Variants in CD99L2 observed in about 807,000 individuals in gnomAD.
The protein encoded by CD99L2 is CD99 antigen-like protein 2.
Under a neutral mutation model 27.3 loss-of-function variants are expected in CD99L2, and 24 were observed. The observed-to-expected ratio is 0.88, with a 90% CI of 0.64 to 1.24. The LOEUF (loss-of-function observed/expected upper bound fraction) is 1.24, where lower values mean the gene tolerates loss of function less well. Among genes scored for constraint, CD99L2 ranks in the 50% most tolerant of loss-of-function variants. The pLI is 0.00. For missense variants in CD99L2, 255 were observed against 221.6 expected (o/e 1.15, Z -0.96); for synonymous variants, 97 against 87.9 (o/e 1.10, Z -0.58).
chrX:150,831,342 A>C (rs2046441988), intron 1 of CD99L2, 49 bp from the exon 2 acceptor site: 2 of 960,223 alleles, frequency 2.1e-6, no homozygotes, highest in Non-Finnish European at 2.9e-6. Flanking sequence ...AAACAAAGTA[A>C]TAATGAAATA....
At chrX:150,772,981 C>T (rs1219999604) in intron 9 of CD99L2, among the ~76,000 whole-genome samples, 3 of 112,462 alleles carry the variant, frequency 2.7e-5, no homozygotes, top group Non-Finnish European at 3.8e-5. Flanking sequence ...TGATCCAATT[C>T]GCAAAACCTC....
intron 1 of CD99L2, among the ~76,000 whole-genome samples, chrX:150,870,336 A>G (rs182429566): frequency 2.8e-4 from 31 of 111,912 alleles, no homozygotes; most frequent in Admixed American, 9.5e-4. Flanking sequence ...AGGCGGACGA[A>G]TTACAGAGTG....
At position 150,846,283 on chromosome X, in the gene CD99L2, A is replaced by G. The variant is rs545341070; in HGVS notation, c.68-14990T>C. 8.0e-5 allele frequency among the ~76,000 whole-genome samples: 9 copies of G among 112,490 alleles called. No homozygotes were observed. The South Asian group carries it at 3.4e-3, about 42-fold the overall frequency. ...TGACACTGCTGGTGTCACACACACA[A>G]TTGGGGCCAAGGTTTCCAAACTCTG... is the stretch of plus-strand genomic sequence containing the variant. On this transcript the variant is annotated intron_variant, in intron 1 of 10. Coordinates refer to ENST00000370377, the MANE Select transcript of CD99L2 (RefSeq NM_031462.4).
chrX:150,787,521 T>C (rs1221173070), intron 7 of CD99L2, among the ~76,000 whole-genome samples: 1 of 110,323 alleles, frequency 9.1e-6, no homozygotes, highest in Admixed American at 9.7e-5. Context: ...ATAGACTGGA[T>C]TAAGAAAATG....
At chrX:150,828,362 A>G (rs1449511357) in intron 2 of CD99L2, 9 of 111,106 alleles carry the variant, frequency 8.1e-5, no homozygotes, top group Admixed American at 6.7e-4. Context: ...TCATCCTTAC[A>G]GTGATCCTAG....
intron 4 of CD99L2, among the ~76,000 whole-genome samples, chrX:150,808,355 C>T (rs1432530873): frequency 8.9e-6 from 1 of 112,530 alleles, no homozygotes; most frequent in African/African-American, 3.2e-5. Context: ...GGGGTTGGCA[C>T]TTGCACTGTG....
intron 2 of CD99L2, among the ~76,000 whole-genome samples, chrX:150,824,657 GAAGAA>G (rs2046338969): frequency 1.1e-5 from 1 of 93,166 alleles, no homozygotes; most frequent in East Asian, 3.4e-4. Context: ...AGAAGAAGAA[GAAGAA>G]GAAGAGGAAG....
At chrX:150,856,041 T>C (rs2046881684) in intron 1 of CD99L2, among the ~76,000 whole-genome samples, 1 of 112,817 alleles carries the variant, frequency 8.9e-6, no homozygotes, top group Non-Finnish European at 1.9e-5. Context: ...AATTCTTCCC[T>C]ATCATTCCCC....
At chrX:150,870,338 TAC>T (rs1240664940) in intron 1 of CD99L2, among the ~76,000 whole-genome samples, 1 of 111,643 alleles carries the variant, frequency 9.0e-6, no homozygotes, top group Non-Finnish European at 1.9e-5. Context: ...GCGGACGAAT[TAC>T]AGAGTGCACA....
chrX:150,880,848 TTCTA>T (rs2047314340), intron 1 of CD99L2, among the ~76,000 whole-genome samples: 2 of 112,003 alleles, frequency 1.8e-5, no homozygotes, highest in South Asian at 7.5e-4. Flanking sequence ...CTATTTTCTC[TTCTA>T]AAAAGAAGAT....
chrX:150,883,120 C>T (rs782343327), intron 1 of CD99L2, among the ~76,000 whole-genome samples: 4 of 112,077 alleles, frequency 3.6e-5, no homozygotes, highest in East Asian at 5.6e-4. Context: ...AGCCGGGAGG[C>T]GGAGGTTGCA....
rs782254331 is a variant in CD99L2, at chrX:150,845,030, A to AT, written c.68-13738dup. Among the ~76,000 whole-genome samples the AT allele has an allele frequency of 2.4e-4, 27 of 112,050 alleles. No individual in the cohort carries two copies. The East Asian group carries it at 6.2e-3, about 26-fold the overall frequency. On this transcript the variant is annotated intron_variant, in intron 1 of 10. Transcript: ENST00000370377. Reference sequence around the variant, plus strand: ...TGCTTAATTTAAATGCAGGGGAAGGATTTTTTTTCTTTTTTAACAAATTGT... The same window carrying AT: ...TGCTTAATTTAAATGCAGGGGAAGGATTTTTTTTTCTTTTTTAACAAATTGT...
chrX:150,791,262 T>C (rs1386954964), intron 7 of CD99L2, among the ~76,000 whole-genome samples: 2 of 111,982 alleles, frequency 1.8e-5, no homozygotes. Context: ...CTATTTCCTA[T>C]CTCTGTCTGC....
intron 1 of CD99L2, among the ~76,000 whole-genome samples, chrX:150,843,200 C>T (rs182500936): frequency 1.8e-5 from 2 of 112,016 alleles, no homozygotes; most frequent in Non-Finnish European, 3.8e-5. Context: ...TGGCCAGTTA[C>T]ATTTATTTCC....
Position 150,767,945 on chromosome X carries a change from G to A in CD99L2, c.*1089C>T, listed in dbSNP as rs1246975912. On this transcript the variant is annotated 3_prime_UTR_variant, in exon 11 of 11. Transcript: ENST00000370377. ...GGCAGCTCCACGCCAGGTGAGGGGC[G>A]AGTCATGGGGTTCCTGTGTTTGCCA... is the stretch of plus-strand genomic sequence containing the variant. 3.6e-5 allele frequency: 4 copies of A among 111,964 alleles called. No individual in the cohort carries two copies. Among genetic ancestry groups the A allele is most frequent in the Non-Finnish European group, 7.5e-5 (4 of 53,109 alleles). The allele number at this position is 111,964 out of a possible 1,213,427, so 9.2% of individuals were successfully genotyped here. A position where few individuals can be genotyped will look rare whatever the true frequency, so the allele number is the denominator to read the frequency against.
At chrX:150,824,592 A>AAGAAGAAGGAGG (rs1569566011) in intron 2 of CD99L2, among the ~76,000 whole-genome samples, 1 of 99,252 alleles carries the variant, frequency 1.0e-5, no homozygotes, top group Non-Finnish European at 2.0e-5. Flanking sequence ...GAAGGAGGAG[A>AAGAAGAAGGAGG]AGAAGAAGGA....
chrX:150,771,871 G>A, intron 9 of CD99L2: 1 of 1,137,128 alleles, frequency 8.8e-7, no homozygotes, highest in Non-Finnish European at 1.2e-6. Context: ...GAGCGCTCCT[G>A]ACAGCAAACA....
chrX:150,834,451 C>T (rs2046495487), intron 1 of CD99L2, among the ~76,000 whole-genome samples: 1 of 112,060 alleles, frequency 8.9e-6, no homozygotes, highest in African/African-American at 3.2e-5. Context: ...GAGATCGCGC[C>T]ACTGCACTCC....
At chrX:150,865,919 G>A (rs1557422016) in intron 1 of CD99L2, among the ~76,000 whole-genome samples, 2 of 111,645 alleles carry the variant, frequency 1.8e-5, no homozygotes, top group Admixed American at 9.5e-5. Context: ...CCAGAAGTTC[G>A]AGACCAGCCT....
Sources: allele counts gnomAD v4.1 joint callset (sites outside exome capture counted in the v4.1 genomes callset), GRCh38; gene constraint gnomAD v4.1.1; transcripts MANE v1.5; gene names NCBI Gene and HGNC (gene_info 2026-07-23, HGNC 2026-07-21).